The following CD244 variants were observed in gnomAD, a reference collection of about 807,000 sequenced individuals.
CD244 encodes the protein CD244 molecule, also known as natural killer cell receptor 2B4.
In CD244, 20 loss-of-function variants were observed where a neutral mutation model predicts 45.5. The ratio of observed to expected loss-of-function variants is 0.44; its 90% CI spans 0.31 to 0.64. CD244 has a LOEUF of 0.64. Ranked by LOEUF, CD244 falls within the 30% of genes least tolerant of loss-of-function variation. CD244 has a pLI of 0.08. For synonymous variants in CD244, 185 were observed against 160.5 expected (o/e 1.15, Z -1.15); for missense variants, 407 against 426.9 (o/e 0.95, Z 0.41).
chr1:160,853,753 C>T (rs1189196646), intron 1 of CD244, among the ~76,000 whole-genome samples: 2 of 144,792 alleles, frequency 1.4e-5, no homozygotes, highest in African/African-American at 5.3e-5. Context: ...CACTGCACCC[C>T]AGCCTGGGTG....
chr1:160,841,172 C>T (rs767168620), intron 3 of CD244, 38 bp downstream of exon 3: 23 of 1,606,278 alleles, frequency 1.4e-5, no homozygotes, highest in Non-Finnish European at 2.0e-5. Context: ...GGGGTCCAAA[C>T]CTTCAGCGCT....
At chr1:160,837,595 CA>C (rs1322418979) in intron 5 of CD244, among the ~76,000 whole-genome samples, 1 of 152,238 alleles carries the variant, frequency 6.6e-6, no homozygotes, top group African/African-American at 2.4e-5. Flanking sequence ...CGAGGCTGCA[CA>C]GGGCCTCACG....
Position 160,838,382 on chromosome 1 carries a change from G to A in CD244, c.834+69C>T, listed in dbSNP as rs1669405433. The A allele has an allele frequency of 7.1e-6, 8 of 1,131,514 alleles. No individual in the cohort carries two copies. In the South Asian group the frequency reaches 9.8e-5, roughly 14 times the overall value. 70.1% of individuals were successfully genotyped at this position (1,131,514 alleles called of 1,614,324 possible). Reference sequence around the variant, plus strand: ...TCAGTCCTTTTTGTCCCTCTGCTCTGAATAACCATCATTGAAAGAGCATTT... The same window carrying A: ...TCAGTCCTTTTTGTCCCTCTGCTCTAAATAACCATCATTGAAAGAGCATTT... On this transcript the variant is annotated intron_variant, in intron 5 of 8. Transcript: ENST00000368034.
rs1172309405 is a variant in CD244, at chr1:160,852,918, A to G, written c.61+9699T>C. On this transcript the variant is annotated intron_variant, in intron 1 of 8. Transcript: ENST00000368034. ...CACACCTGTAATCCCAGCTACTTGG[A>G]AGACTGAAGCAGGAGAATCACTTAA... is the stretch of plus-strand genomic sequence containing the variant. Among the ~76,000 whole-genome samples the G allele has an allele frequency of 2.0e-5, 3 of 151,920 alleles. No homozygotes were observed. The East Asian group carries it at 5.8e-4, about 29-fold the overall frequency.
At chr1:160,838,824 G>T (rs773979907) in intron 4 of CD244, 115 bp downstream of exon 4, 1 of 712,106 alleles carries the variant, frequency 1.4e-6, no homozygotes, top group Non-Finnish European at 2.3e-6. Context: ...ACATACCAAA[G>T]CTCGTTGAGG....
At position 160,848,842 on chromosome 1, in the gene CD244, C is replaced by T. The variant is rs73022000; in HGVS notation, c.62-6941G>A. 6.6e-3 allele frequency among the ~76,000 whole-genome samples: 1,012 copies of T among 152,338 alleles called. 10 individuals carry two copies. The highest frequency in any genetic ancestry group is 0.023 in the African/African-American group (962 of 41,570). Reference sequence around the variant, plus strand: ...ACCTTGCCCTATGCCATCTCTTCATCTGTATCCTTTGTAATATCTCTTATA... The same window carrying T: ...ACCTTGCCCTATGCCATCTCTTCATTTGTATCCTTTGTAATATCTCTTATA... On this transcript the variant is annotated intron_variant, in intron 1 of 8. Transcript: ENST00000368034.
chr1:160,843,288 T>C (rs1202692069), intron 1 of CD244, among the ~76,000 whole-genome samples: 2 of 152,240 alleles, frequency 1.3e-5, no homozygotes, highest in African/African-American at 2.4e-5. Flanking sequence ...CAAAAGCTTC[T>C]CAAAAGCAGA....
intron 1 of CD244, among the ~76,000 whole-genome samples, chr1:160,850,281 C>T (rs988592300): frequency 2.0e-5 from 3 of 151,710 alleles, no homozygotes; most frequent in South Asian, 4.2e-4. Flanking sequence ...TATTTAAGAC[C>T]TATACACCTA....
chr1:160,851,373 T>G (rs1441407295), intron 1 of CD244, among the ~76,000 whole-genome samples: 1 of 152,158 alleles, frequency 6.6e-6, no homozygotes, highest in African/African-American at 2.4e-5. Context: ...TTCTAAAAAT[T>G]TTAGGAATTG....
chr1:160,839,120 C>G, intron 3 of CD244, 71 bp from the exon 4 acceptor site: 1 of 1,137,748 alleles, frequency 8.8e-7, no homozygotes. Flanking sequence ...CTGCCTGCTG[C>G]AGGGGCTGCC....
chr1:160,846,061 T>A (rs1669721811), intron 1 of CD244, among the ~76,000 whole-genome samples: 1 of 152,120 alleles, frequency 6.6e-6, no homozygotes, highest in African/African-American at 2.4e-5. Context: ...TATCTTTTTT[T>A]TTTATTTTTC....
At chr1:160,860,682 A>G (rs1279325218) in intron 1 of CD244, among the ~76,000 whole-genome samples, 1 of 152,254 alleles carries the variant, frequency 6.6e-6, no homozygotes, top group East Asian at 1.9e-4. Flanking sequence ...ACACATATAC[A>G]TACAGCTAGA....
At chr1:160,844,425 C>T (rs1454606915) in intron 1 of CD244, among the ~76,000 whole-genome samples, 4 of 152,178 alleles carry the variant, frequency 2.6e-5, no homozygotes, top group African/African-American at 7.2e-5. Context: ...TGCAATGTGA[C>T]TTTACAGCTC....
chr1:160,839,708 G>GC (rs1486237287), intron 3 of CD244, among the ~76,000 whole-genome samples: 2 of 152,188 alleles, frequency 1.3e-5, no homozygotes, highest in African/African-American at 4.8e-5. Flanking sequence ...AACATTCGTG[G>GC]ATCTTGGCAT....
intron 1 of CD244, among the ~76,000 whole-genome samples, chr1:160,846,486 G>A (rs1266302093): frequency 6.6e-6 from 1 of 152,116 alleles, no homozygotes; most frequent in Non-Finnish European, 1.5e-5. Context: ...GGCCAACATG[G>A]CAAACCCCAT....
intron 1 of CD244, among the ~76,000 whole-genome samples, chr1:160,855,658 G>A (rs1216432821): frequency 6.6e-6 from 1 of 152,204 alleles, no homozygotes; most frequent in Non-Finnish European, 1.5e-5. Flanking sequence ...AAATTGTTTA[G>A]AGGAAAGAGG....
Position 160,862,769 on chromosome 1 carries a change from G to A in CD244, c.-92C>T, listed in dbSNP as rs1482952803. On this transcript the variant is annotated 5_prime_UTR_variant, in exon 1 of 9. Transcript: ENST00000368034. Reference sequence around the variant, plus strand: ...AGCAGTCCCCAGTCAGCAAGAGGACGATGGGGAGCAGAACTGCCTTGCAAC... The same window carrying A: ...AGCAGTCCCCAGTCAGCAAGAGGACAATGGGGAGCAGAACTGCCTTGCAAC... 7 of 1,151,712 alleles carry A rather than the reference G, an allele frequency of 6.1e-6. No individual in the cohort carries two copies. In the African/African-American group the frequency reaches 7.6e-5, roughly 13 times the overall value. 71.3% of individuals were successfully genotyped at this position (1,151,712 alleles called of 1,614,324 possible).
Position 160,836,183 on chromosome 1 carries a change from C to T in CD244, c.894+12G>A, listed in dbSNP as rs1470009087. The T allele has an allele frequency of 6.2e-7, 1 of 1,609,692 alleles. No homozygotes were observed. Among genetic ancestry groups the T allele is most frequent in the South Asian group, 1.1e-5 (1 of 90,956 alleles). Reference sequence around the variant, plus strand: ...ATAGGTATGGAATGGACTAGAGAAACTGGAGAGGTACCTGGGACTGGATCA... The same window carrying T: ...ATAGGTATGGAATGGACTAGAGAAATTGGAGAGGTACCTGGGACTGGATCA... On this transcript the variant is annotated intron_variant, in intron 6 of 8. Transcript: ENST00000368034.
At position 160,862,609 on chromosome 1, in the gene CD244, C is replaced by T. The variant is rs773214095; in HGVS notation, c.61+8G>A. On this transcript the variant is annotated splice_region_variant and intron_variant, in intron 1 of 8. Transcript: ENST00000368034. The stretch of plus-strand genomic sequence containing the variant: ...TCCCTCGCCCCACGCCAGGTAGGAC[C>T]TCCTTACCTTTGCCCTGATACACCT... 1.2e-6 allele frequency: 2 copies of T among 1,613,354 alleles called. No homozygotes were observed. The highest frequency in any genetic ancestry group is 1.7e-6 in the Non-Finnish European group (2 of 1,179,358).
Sources: allele counts gnomAD v4.1 joint callset (sites outside exome capture counted in the v4.1 genomes callset), GRCh38; gene constraint gnomAD v4.1.1; transcripts MANE v1.5; gene names NCBI Gene and HGNC (gene_info 2026-07-23, HGNC 2026-07-21).